Variants in UNC5C observed in about 807,000 individuals in gnomAD.
The protein encoded by UNC5C is netrin receptor UNC5C.
Under a neutral mutation model 99.8 loss-of-function variants are expected in UNC5C, and 47 were observed. The ratio of observed to expected loss-of-function variants is 0.47; its 90% CI spans 0.37 to 0.60. The LOEUF (loss-of-function observed/expected upper bound fraction) is 0.60. Ranked by LOEUF, UNC5C falls within the 20% of genes least tolerant of loss-of-function variation. The pLI is 0.00. For missense variants in UNC5C, 1,062 were observed against 1,165.9 expected, an observed-to-expected ratio of 0.91 and a Z score of 1.30; for synonymous variants, 487 against 452.2, an observed-to-expected ratio of 1.08 and a Z score of -0.98.
At chr4:95,532,202 A>G (rs1207904914) in intron 1 of UNC5C, among the ~76,000 whole-genome samples, 1 of 152,168 alleles carries the variant, frequency 6.6e-6, no homozygotes, top group East Asian at 1.9e-4. Flanking sequence ...GAAGTTAGAG[A>G]TGGATCTCTG....
At chr4:95,382,691 C>T (rs533172347) in intron 1 of UNC5C, among the ~76,000 whole-genome samples, 37 of 152,270 alleles carry the variant, frequency 2.4e-4, no homozygotes, top group Non-Finnish European at 4.6e-4. Flanking sequence ...ATAATCTACT[C>T]TCTGTCTCTG....
chr4:95,375,661 G>A (rs759732856), intron 1 of UNC5C, among the ~76,000 whole-genome samples: 26 of 152,210 alleles, frequency 1.7e-4, no homozygotes, highest in African/African-American at 5.5e-4. Context: ...ATCTTAAGGC[G>A]AAACGCAATA....
chr4:95,234,959 G>A (rs1180013128), intron 7 of UNC5C, among the ~76,000 whole-genome samples: 1 of 152,146 alleles, frequency 6.6e-6, no homozygotes, highest in Non-Finnish European at 1.5e-5. Flanking sequence ...AATTATGATT[G>A]CAAGGACAGA....
At chr4:95,177,922 G>C (rs1031939703) in intron 14 of UNC5C, among the ~76,000 whole-genome samples, 2 of 150,854 alleles carry the variant, frequency 1.3e-5, no homozygotes, top group Admixed American at 1.3e-4. Flanking sequence ...TGTCCAGATT[G>C]GTCTCAAACT....
intron 12 of UNC5C, among the ~76,000 whole-genome samples, chr4:95,191,584 C>A (rs1737095930): frequency 6.6e-6 from 1 of 151,710 alleles, no homozygotes; most frequent in Non-Finnish European, 1.5e-5. Flanking sequence ...CCTCTATTCA[C>A]CTTTCTCCCC....
At chr4:95,495,939 C>G (rs1204045726) in intron 1 of UNC5C, among the ~76,000 whole-genome samples, 1 of 151,788 alleles carries the variant, frequency 6.6e-6, no homozygotes, top group Non-Finnish European at 1.5e-5. Context: ...AGAAATTATT[C>G]AGAGACATAA....
chr4:95,234,494 C>T (rs1173313796), intron 7 of UNC5C, among the ~76,000 whole-genome samples: 1 of 151,988 alleles, frequency 6.6e-6, no homozygotes, highest in Non-Finnish European at 1.5e-5. Flanking sequence ...CGTCATTTAA[C>T]TTACCTTTCT....
At chr4:95,308,624 G>A (rs1380492988) in intron 2 of UNC5C, among the ~76,000 whole-genome samples, 1 of 151,112 alleles carries the variant, frequency 6.6e-6, no homozygotes, top group Non-Finnish European at 1.5e-5. Context: ...ATGGTGGCAG[G>A]CCCCTGTAAT....
chr4:95,404,741 C>T (rs1745788482), intron 1 of UNC5C, among the ~76,000 whole-genome samples: 1 of 152,128 alleles, frequency 6.6e-6, no homozygotes, highest in Non-Finnish European at 1.5e-5. Context: ...TGGTTTTGTA[C>T]CCAAAAAGTT....
At chr4:95,243,900 A>C (rs1174460944) in intron 6 of UNC5C, among the ~76,000 whole-genome samples, 1 of 152,190 alleles carries the variant, frequency 6.6e-6, no homozygotes, top group African/African-American at 2.4e-5. Context: ...TGTGGGAGTC[A>C]GCTCCTATAA....
chr4:95,206,680 G>A lies in UNC5C; in HGVS notation c.1850C>T (p.Thr617Ile), dbSNP rs1377535766. The part of the protein sequence containing the change: ...LTMHHCADPN[T>I]EDWKILLKNQ... ...CTTGAGCAGTATTTTCCAGTCCTCGGTATTGGGGTCTGCGCAGTGATGCAT... is the reference window on the plus strand; with the variant it reads ...CTTGAGCAGTATTTTCCAGTCCTCGATATTGGGGTCTGCGCAGTGATGCAT... The change falls in exon 11 of 16, where the codon ACC (threonine) becomes ATC (isoleucine). Residue 617 changes from threonine to isoleucine, a missense_variant. Coordinates refer to ENST00000453304, the MANE Select transcript of UNC5C (RefSeq NM_003728.4). The A allele has an allele frequency of 9.3e-6, 15 of 1,614,004 alleles. No individual in the cohort carries two copies. The highest frequency in any genetic ancestry group is 4.0e-5 in the African/African-American group (3 of 74,906).
At chr4:95,209,246 T>G (rs1737991525) in intron 10 of UNC5C, among the ~76,000 whole-genome samples, 1 of 152,246 alleles carries the variant, frequency 6.6e-6, no homozygotes, top group South Asian at 2.1e-4. Context: ...GGTAATAAGC[T>G]GTCTGTTGTC....
Position 95,296,987 on chromosome 4 carries a change from C to A in UNC5C, c.490+4619G>T, listed in dbSNP as rs372161673. On this transcript the variant is annotated intron_variant, in intron 3 of 15. Coordinates refer to ENST00000453304, the MANE Select transcript of UNC5C (RefSeq NM_003728.4). The stretch of plus-strand genomic sequence containing the variant: ...AGTCTCAGCTTCTCTCTCCTGGAAT[C>A]ACCCTCAGTGGTGCAGAGCTGACTT... Among the ~76,000 whole-genome samples, 10 of 152,288 alleles carry A rather than the reference C, an allele frequency of 6.6e-5. No homozygotes were observed. The East Asian group carries it at 1.9e-3, about 29-fold the overall frequency.
intron 1 of UNC5C, among the ~76,000 whole-genome samples, chr4:95,516,519 C>A (rs1560491364): frequency 6.6e-6 from 1 of 152,156 alleles, no homozygotes; most frequent in Admixed American, 6.5e-5. Flanking sequence ...TCCCTGTTTT[C>A]GGAGACATTT....
At chr4:95,418,850 A>G (rs1746241290) in intron 1 of UNC5C, among the ~76,000 whole-genome samples, 6 of 152,120 alleles carry the variant, frequency 3.9e-5, no homozygotes, top group Admixed American at 3.9e-4. Context: ...CTCACAGCAC[A>G]TGTGCAGCCC....
rs184651349 is a variant in UNC5C, at chr4:95,189,699, T to C, written c.2137-4503A>G. ...GGCGAAGGATATGAACAGACACTTCTCAAAAGAAGACATTTATGCAGTCAA... is the reference window on the plus strand; with the variant it reads ...GGCGAAGGATATGAACAGACACTTCCCAAAAGAAGACATTTATGCAGTCAA... On this transcript the variant is annotated intron_variant, in intron 12 of 15. Transcript: ENST00000453304. Among the ~76,000 whole-genome samples the C allele has an allele frequency of 3.4e-3, 513 of 150,914 alleles. 4 individuals carry two copies. Among genetic ancestry groups the C allele is most frequent in the Non-Finnish European group, 5.3e-3 (359 of 67,996 alleles).
chr4:95,346,179 G>A (rs763108690), intron 1 of UNC5C, among the ~76,000 whole-genome samples: 2 of 151,786 alleles, frequency 1.3e-5, no homozygotes, highest in Non-Finnish European at 3.0e-5. Context: ...TTGGAAAATG[G>A]AGAAGAAATG....
At chr4:95,398,203 A>C (rs1001505543) in intron 1 of UNC5C, among the ~76,000 whole-genome samples, 3 of 152,098 alleles carry the variant, frequency 2.0e-5, no homozygotes, top group Non-Finnish European at 4.4e-5. Flanking sequence ...ATTCATCAAA[A>C]CTACTTGGGT....
intron 1 of UNC5C, among the ~76,000 whole-genome samples, chr4:95,524,462 T>A (rs1722447008): frequency 6.6e-6 from 1 of 152,182 alleles, no homozygotes; most frequent in Non-Finnish European, 1.5e-5. Context: ...CTGGCAAATA[T>A]CCACCTGCAT....
Sources: allele counts gnomAD v4.1 joint callset (sites outside exome capture counted in the v4.1 genomes callset), GRCh38; gene constraint gnomAD v4.1.1; transcripts MANE v1.5; gene names NCBI Gene and HGNC (gene_info 2026-07-23, HGNC 2026-07-21).